Variants in EPHX2 observed in about 807,000 individuals in gnomAD.
The protein encoded by EPHX2 is bifunctional epoxide hydrolase 2.
In EPHX2, 74 loss-of-function variants were observed where a neutral mutation model predicts 78.7. The observed-to-expected ratio is 0.94, with a 90% CI of 0.78 to 1.14. EPHX2 has a LOEUF of 1.14. Ranked by LOEUF, EPHX2 falls within the 50% of genes most tolerant of loss-of-function variation. The pLI, the probability that EPHX2 is intolerant of heterozygous loss-of-function variation, is 0.00. For missense variants in EPHX2, 715 were observed against 702.5 expected, an observed-to-expected ratio of 1.02 and a Z score of -0.20; for synonymous variants, 251 against 255.2, an observed-to-expected ratio of 0.98 and a Z score of 0.16.
intron 8 of EPHX2, among the ~76,000 whole-genome samples, chr8:27,517,370 A>G (rs1261982730): frequency 6.6e-6 from 1 of 152,240 alleles, no homozygotes; most frequent in Non-Finnish European, 1.5e-5. Flanking sequence ...CATTTTTTAC[A>G]AAAATAGAGA....
chr8:27,494,338 A>G (rs1813496111), intron 1 of EPHX2, among the ~76,000 whole-genome samples: 1 of 152,198 alleles, frequency 6.6e-6, no homozygotes, highest in Non-Finnish European at 1.5e-5. Context: ...TGTGGCCTCC[A>G]GGCACAGTGA....
intron 12 of EPHX2, among the ~76,000 whole-genome samples, chr8:27,532,675 G>A (rs6558003): frequency 0.32 from 48,338 of 151,950 alleles, 11,892 homozygotes; most frequent in African/African-American, 0.69. Context: ...CCCTGCCTCC[G>A]TCTTCATGTG....
chr8:27,518,827 C>T (rs1024020458), intron 9 of EPHX2, among the ~76,000 whole-genome samples: 1 of 152,214 alleles, frequency 6.6e-6, no homozygotes, highest in Non-Finnish European at 1.5e-5. Flanking sequence ...GCTCCTCCTT[C>T]CTCAGTTTTC....
chr8:27,515,512 G>T, intron 6 of EPHX2: 1 of 561,624 alleles, frequency 1.8e-6, no homozygotes, highest in Non-Finnish European at 3.2e-6. Flanking sequence ...AGGTTATGGT[G>T]AGAGCCACCT....
chr8:27,499,427 C>A (rs1813687331), intron 1 of EPHX2, among the ~76,000 whole-genome samples: 1 of 152,182 alleles, frequency 6.6e-6, no homozygotes, highest in South Asian at 2.1e-4. Context: ...AGGTATATGT[C>A]TCCATATAGT....
chr8:27,544,474 G>A lies in EPHX2; in HGVS notation c.1620G>A (p.Lys540=). ...KPTEVNQILI[K]WLDSDARNPP... The stretch of plus-strand genomic sequence containing the variant: ...CCGAGGTGAATCAGATCCTCATTAA[G>A]TGGCTGGATTCTGATGCCCGGAACC... The change falls in exon 19 of 19, where the codon AAG becomes AAA. Residue 540 remains lysine (K), a synonymous_variant. Coordinates refer to ENST00000521400, the MANE Select transcript of EPHX2 (RefSeq NM_001979.6). 1.2e-6 allele frequency: 2 copies of A among 1,614,026 alleles called. No individual in the cohort carries two copies. Among genetic ancestry groups the A allele is most frequent in the African/African-American group, 1.3e-5 (1 of 75,002 alleles).
In EPHX2 at chr8:27,536,847, A is replaced by G. The variant is rs1469547124; in HGVS notation, c.1234A>G (p.Ser412Gly). 2 of 1,611,054 alleles carry G rather than the reference A, an allele frequency of 1.2e-6. No homozygotes were observed. The highest frequency in any genetic ancestry group is 2.7e-5 in the African/African-American group (2 of 74,626). The change falls in exon 13 of 19, where the codon AGC becomes GGC. Residue 412 changes from serine (S) to glycine (G), a missense_variant. Coordinates refer to ENST00000521400, the MANE Select transcript of EPHX2 (RefSeq NM_001979.6). Reference sequence around the variant, plus strand: ...GACTTTCAAAAGCCTCTTCAGAGCAAGCGATGAGGTGAGGGGTGGGGATGG... The same window carrying G: ...GACTTTCAAAAGCCTCTTCAGAGCAGGCGATGAGGTGAGGGGTGGGGATGG... ...SRTFKSLFRA[S>G]DESVLSMHKV...
intron 1 of EPHX2, among the ~76,000 whole-genome samples, chr8:27,497,808 C>T (rs1032725499): frequency 2.0e-5 from 3 of 152,172 alleles, no homozygotes; most frequent in Admixed American, 1.3e-4. Context: ...CCTAATTCTC[C>T]TTAGTCCTTC....
chr8:27,522,633 G>A, intron 11 of EPHX2, 125 bp downstream of exon 11: 1 of 921,558 alleles, frequency 1.1e-6, no homozygotes, highest in Non-Finnish European at 1.7e-6. Flanking sequence ...GGAAGGTGAT[G>A]TCTTCACTCT....
intron 12 of EPHX2, among the ~76,000 whole-genome samples, chr8:27,536,208 C>T (rs1049991843): frequency 5.3e-5 from 8 of 152,132 alleles, no homozygotes; most frequent in Non-Finnish European, 1.2e-4. Flanking sequence ...ATCTAATGGT[C>T]TGTAACAATT....
At chr8:27,492,061 C>A (rs1441354585) in intron 1 of EPHX2, among the ~76,000 whole-genome samples, 1 of 151,840 alleles carries the variant, frequency 6.6e-6, no homozygotes, top group African/African-American at 2.4e-5. Context: ...GAAGGCCAGG[C>A]ATGGAAGCCA....
chr8:27,541,450 T>C (rs1253134497), intron 15 of EPHX2, 23 bp from the exon 16 acceptor site: 1 of 1,613,814 alleles, frequency 6.2e-7, no homozygotes, highest in Non-Finnish European at 8.5e-7. Context: ...CCTCCCTCTT[T>C]TTACTTTCTG....
At chr8:27,537,247 G>A (rs1480334581) in intron 13 of EPHX2, among the ~76,000 whole-genome samples, 3 of 152,138 alleles carry the variant, frequency 2.0e-5, no homozygotes, top group African/African-American at 7.2e-5. Flanking sequence ...TTTATATACA[G>A]TCAGTGCCTG....
At chr8:27,521,481 G>A (rs1052084688) in intron 10 of EPHX2, among the ~76,000 whole-genome samples, 3 of 152,210 alleles carry the variant, frequency 2.0e-5, no homozygotes, top group Non-Finnish European at 2.9e-5. Flanking sequence ...GTGGAGGACA[G>A]AGAAGGATGA....
At chr8:27,491,726 A>C (rs1295074910) in intron 1 of EPHX2, among the ~76,000 whole-genome samples, 1 of 152,178 alleles carries the variant, frequency 6.6e-6, no homozygotes, top group Non-Finnish European at 1.5e-5. Context: ...CATCACTGGG[A>C]AATGGTAGAT....
At chr8:27,524,469 T>C (rs1345904937) in intron 11 of EPHX2, among the ~76,000 whole-genome samples, 4 of 152,178 alleles carry the variant, frequency 2.6e-5, no homozygotes, top group Non-Finnish European at 4.4e-5. Flanking sequence ...CATGGTTTTC[T>C]TGGTTCTTAC....
intron 11 of EPHX2, among the ~76,000 whole-genome samples, chr8:27,524,090 G>A (rs1480061850): frequency 2.0e-5 from 3 of 151,934 alleles, no homozygotes; most frequent in East Asian, 1.9e-4. Flanking sequence ...GCACCAACAC[G>A]CCCAGCTAAA....
intron 5 of EPHX2, among the ~76,000 whole-genome samples, chr8:27,510,683 G>A (rs1297796094): frequency 2.6e-5 from 4 of 152,174 alleles, no homozygotes; most frequent in Admixed American, 6.5e-5. Context: ...CACAGGAGCC[G>A]TGGCTCACTC....
At chr8:27,492,267 G>A (rs918921689) in intron 1 of EPHX2, among the ~76,000 whole-genome samples, 1 of 152,204 alleles carries the variant, frequency 6.6e-6, no homozygotes, top group African/African-American at 2.4e-5. Context: ...TCTGTGCTTT[G>A]GGAAGCTAAG....
Sources: allele counts gnomAD v4.1 joint callset (sites outside exome capture counted in the v4.1 genomes callset), GRCh38; gene constraint gnomAD v4.1.1; transcripts MANE v1.5; gene names NCBI Gene and HGNC (gene_info 2026-07-23, HGNC 2026-07-21).